Variants in LSAMP observed in about 807,000 individuals in gnomAD.
The protein encoded by LSAMP is limbic system-associated membrane protein.
A neutral mutation model predicts 38.6 loss-of-function variants in LSAMP; 7 were observed. That is an observed-to-expected ratio of 0.18 (90% CI 0.10 to 0.34). The LOEUF (loss-of-function observed/expected upper bound fraction) is 0.34. Among genes scored for constraint, LSAMP ranks in the 10% least tolerant of loss-of-function variants. LSAMP has a pLI of 1.00. For synonymous variants in LSAMP, 154 were observed against 166.8 expected (o/e 0.92, Z 0.59); for missense variants, 313 against 420.0 (o/e 0.75, Z 2.23).
At chr3:115,959,762 G>A (rs1938566430) in intron 3 of LSAMP, among the ~76,000 whole-genome samples, 1 of 152,122 alleles carries the variant, frequency 6.6e-6, no homozygotes, top group Non-Finnish European at 1.5e-5. Context: ...TCACTAAAAG[G>A]TAGCTGCTGT....
intron 6 of LSAMP, among the ~76,000 whole-genome samples, 166 bp from the exon 7 acceptor site, chr3:115,810,580 CCTT>C (rs2107446015): frequency 6.6e-6 from 1 of 152,340 alleles, no homozygotes; most frequent in East Asian, 1.9e-4. Flanking sequence ...TTTTCTAAAT[CCTT>C]CTCCTCCTTG....
chr3:115,820,037 CCAGTGT>C (rs1934178299), intron 6 of LSAMP, among the ~76,000 whole-genome samples: 1 of 143,810 alleles, frequency 7.0e-6, no homozygotes, highest in African/African-American at 2.6e-5. Context: ...TTTTTTTTTT[CCAGTGT>C]CAGGCCAGGC....
At chr3:116,068,603 G>A (rs1175146597) in intron 2 of LSAMP, among the ~76,000 whole-genome samples, 1 of 152,172 alleles carries the variant, frequency 6.6e-6, no homozygotes, top group Non-Finnish European at 1.5e-5. Context: ...CAAAGATAGA[G>A]TGAACAATAT....
intron 2 of LSAMP, among the ~76,000 whole-genome samples, chr3:116,041,816 C>CA (rs1405272484): frequency 2.3e-4 from 34 of 144,690 alleles, no homozygotes; most frequent in South Asian, 1.1e-3. Context: ...CAAAACAAAA[C>CA]AAAAAAAAAA....
chr3:115,956,975 G>A (rs1231949594), intron 3 of LSAMP, among the ~76,000 whole-genome samples: 1 of 152,142 alleles, frequency 6.6e-6, no homozygotes, highest in African/African-American at 2.4e-5. Context: ...TTGACTTTTT[G>A]TGAGGACCCA....
intron 1 of LSAMP, among the ~76,000 whole-genome samples, chr3:116,222,907 T>G (rs946035558): frequency 4.0e-5 from 6 of 151,604 alleles, no homozygotes; most frequent in African/African-American, 1.2e-4. Context: ...GGCTAATTTT[T>G]TTTTGTATTT....
At position 116,225,854 on chromosome 3, in the gene LSAMP, A is replaced by G. The variant is rs963347603; in HGVS notation, c.156-139298T>C. Among the ~76,000 whole-genome samples the G allele has an allele frequency of 2.0e-5, 3 of 151,874 alleles. No individual in the cohort carries two copies. The East Asian group carries it at 5.8e-4, about 29-fold the overall frequency. ...GATGTTTGGTTCTTTAACTAAAATAACAATCAGTTTTGCAAATAAATAAAC... is the reference window on the plus strand; with the variant it reads ...GATGTTTGGTTCTTTAACTAAAATAGCAATCAGTTTTGCAAATAAATAAAC... On this transcript the variant is annotated intron_variant, in intron 1 of 6. Coordinates refer to ENST00000490035, the MANE Select transcript of LSAMP (RefSeq NM_002338.5).
intron 1 of LSAMP, among the ~76,000 whole-genome samples, chr3:116,347,483 A>G (rs899793382): frequency 1.3e-5 from 2 of 152,114 alleles, no homozygotes; most frequent in African/African-American, 4.8e-5. Flanking sequence ...TTGATAACTT[A>G]TATCTGATAT....
At chr3:116,273,650 C>T (rs1314683208) in intron 1 of LSAMP, among the ~76,000 whole-genome samples, 1 of 108,804 alleles carries the variant, frequency 9.2e-6, no homozygotes, top group Non-Finnish European at 1.7e-5. Flanking sequence ...TAGAGGAATA[C>T]CCCAGAGGAC....
Position 116,332,334 on chromosome 3 carries a change from T to A in LSAMP, c.155+112543A>T, listed in dbSNP as rs552267762. Among the ~76,000 whole-genome samples the A allele has an allele frequency of 1.3e-5, 2 of 152,322 alleles. 1 individual carries two copies. The highest frequency in any genetic ancestry group is 1.3e-4 in the Admixed American group (2 of 15,278). ...CAAAATGTGTAAAGATAAAATTGTT[T>A]GACATCAACAACTGAAAGAGGTGGT... On this transcript the variant is annotated intron_variant, in intron 1 of 6. Coordinates refer to ENST00000490035, the MANE Select transcript of LSAMP (RefSeq NM_002338.5).
intron 1 of LSAMP, among the ~76,000 whole-genome samples, chr3:116,268,768 A>AATT (rs1325062480): frequency 1.3e-5 from 2 of 151,942 alleles, no homozygotes; most frequent in African/African-American, 4.8e-5. Flanking sequence ...TGTTGCTTAT[A>AATT]ATTTGTTGCT....
At chr3:115,812,398 C>G (rs1051872739) in intron 6 of LSAMP, among the ~76,000 whole-genome samples, 3 of 152,020 alleles carry the variant, frequency 2.0e-5, no homozygotes, top group Non-Finnish European at 4.4e-5. Context: ...TGAAAGCACC[C>G]GATTAGTAAT....
intron 6 of LSAMP, among the ~76,000 whole-genome samples, chr3:115,819,358 C>G (rs1934151326): frequency 6.6e-6 from 1 of 151,848 alleles, no homozygotes; most frequent in Non-Finnish European, 1.5e-5. Context: ...TCGCTTGAAC[C>G]TGGAGGGTGG....
intron 1 of LSAMP, among the ~76,000 whole-genome samples, chr3:116,117,530 A>T (rs1255140382): frequency 6.6e-6 from 1 of 152,100 alleles, no homozygotes; most frequent in Non-Finnish European, 1.5e-5. Flanking sequence ...ACATTTTCAT[A>T]ATATTTTACC....
intron 1 of LSAMP, among the ~76,000 whole-genome samples, chr3:116,189,524 C>G (rs888812656): frequency 6.6e-6 from 1 of 152,146 alleles, no homozygotes; most frequent in African/African-American, 2.4e-5. Flanking sequence ...GCAAAACCAC[C>G]TCAGTTCTAG....
chr3:116,214,538 C>T (rs2046198064), intron 1 of LSAMP, among the ~76,000 whole-genome samples: 1 of 132,834 alleles, frequency 7.5e-6, no homozygotes, highest in Non-Finnish European at 1.5e-5. Flanking sequence ...GAGTCTCACT[C>T]TGTCACCCAG....
At chr3:115,999,662 G>T (rs765071105) in intron 3 of LSAMP, among the ~76,000 whole-genome samples, 1 of 152,140 alleles carries the variant, frequency 6.6e-6, no homozygotes, top group Non-Finnish European at 1.5e-5. Flanking sequence ...AAGGTGGTTT[G>T]GTAAACCACT....
intron 3 of LSAMP, among the ~76,000 whole-genome samples, chr3:116,003,201 C>T (rs1487843577): frequency 6.6e-6 from 1 of 152,098 alleles, no homozygotes; most frequent in Non-Finnish European, 1.5e-5. Flanking sequence ...ACTGAGGTCC[C>T]ACAGTTTGCA....
At chr3:116,022,361 G>A (rs181432653) in intron 2 of LSAMP, among the ~76,000 whole-genome samples, 6 of 150,978 alleles carry the variant, frequency 4.0e-5, no homozygotes, top group Admixed American at 1.3e-4. Context: ...AATCTCTTGC[G>A]GGAATTGTTC....
Sources: allele counts gnomAD v4.1 joint callset (sites outside exome capture counted in the v4.1 genomes callset), GRCh38; gene constraint gnomAD v4.1.1; transcripts MANE v1.5; gene names NCBI Gene and HGNC (gene_info 2026-07-23, HGNC 2026-07-21).